GLIS3: variants seen among roughly 807,000 people sequenced by gnomAD.
The protein encoded by GLIS3 is GLIS family zinc finger 3.
GLIS3 carries 53 observed loss-of-function variants against 78.6 expected under a neutral mutation model. The observed-to-expected ratio is 0.67, with a 90% CI of 0.54 to 0.85. The LOEUF is 0.85. GLIS3 is among the 40% of genes least tolerant of loss of function. The pLI is 0.00. For synonymous variants in GLIS3, 684 were observed against 509.9 expected (o/e 1.34, Z -4.60); for missense variants, 1,703 against 1,231.1 (o/e 1.38, Z -5.74).
At chr9:4,382,980 G>C in the GLIS3 span, among the ~76,000 whole-genome samples, 20 of 152,186 alleles carry the variant, frequency 1.3e-4, no homozygotes, top group African/African-American at 4.6e-4. Flanking sequence ...TTCTGTGCTT[G>C]AATCCATCTT....
intron 6 of GLIS3, among the ~76,000 whole-genome samples, chr9:3,919,056 G>A (rs1378340547): frequency 6.6e-6 from 1 of 152,198 alleles, no homozygotes; most frequent in Non-Finnish European, 1.5e-5. Flanking sequence ...GTGGGTCTCA[G>A]TGTAGGATCA....
intron 9 of GLIS3, among the ~76,000 whole-genome samples, chr9:3,850,377 A>G (rs1819353416): frequency 6.6e-6 from 1 of 152,232 alleles, no homozygotes. Context: ...TCCTGTCTGG[A>G]CAGCAGCTAG....
intron 4 of GLIS3, among the ~76,000 whole-genome samples, chr9:3,969,542 G>C (rs933475405): frequency 4.6e-5 from 7 of 152,220 alleles, no homozygotes; most frequent in Admixed American, 1.3e-4. Flanking sequence ...CATGAAAGCA[G>C]AGATCTCAGG....
upstream of GLIS3, among the ~76,000 whole-genome samples, chr9:4,305,034 T>G (rs1817193853): frequency 1.3e-5 from 2 of 151,960 alleles, no homozygotes; most frequent in African/African-American, 4.8e-5. Context: ...ATGATCTACA[T>G]TTTTTTTCAC....
In GLIS3 at chr9:3,993,430, T is replaced by A. The variant is rs139078507; in HGVS notation, c.1711-56241A>T. Among the ~76,000 whole-genome samples the A allele has an allele frequency of 5.9e-5, 9 of 152,306 alleles. No homozygotes were observed. The East Asian group carries it at 1.7e-3, about 29-fold the overall frequency. ...TTAATAAAATACTATTAGTACCAAG[T>A]CAAATATGATAAACTTTTTATCATA... On this transcript the variant is annotated intron_variant, in intron 4 of 10. Coordinates refer to ENST00000381971, the MANE Select transcript of GLIS3 (RefSeq NM_001042413.2).
chr9:4,104,184 T>G (rs752109549), intron 4 of GLIS3, among the ~76,000 whole-genome samples: 1 of 152,122 alleles, frequency 6.6e-6, no homozygotes, highest in Admixed American at 6.6e-5. Context: ...ATTCACTATT[T>G]GAATGTCTAA....
intron 4 of GLIS3, among the ~76,000 whole-genome samples, chr9:3,957,224 G>A (rs988408908): frequency 1.1e-4 from 16 of 152,180 alleles, no homozygotes; most frequent in African/African-American, 3.6e-4. Context: ...GCCCTTTCCC[G>A]AGAGTGTTTT....
the GLIS3 span, among the ~76,000 whole-genome samples, chr9:4,366,690 G>C: frequency 6.6e-6 from 1 of 152,244 alleles, no homozygotes; most frequent in South Asian, 2.1e-4. Flanking sequence ...TTTTCAGACT[G>C]TCTTTGTTCT....
chr9:4,490,344 C>G, the GLIS3 span: 1 of 181,336 alleles, frequency 5.5e-6, no homozygotes, highest in Non-Finnish European at 1.1e-5. Flanking sequence ...CCTAGGGACC[C>G]CGGGCGTCCC....
intron 4 of GLIS3, among the ~76,000 whole-genome samples, chr9:4,103,614 TCATGGTAGA>T (rs1830539818): frequency 6.6e-6 from 1 of 152,198 alleles, no homozygotes; most frequent in South Asian, 2.1e-4. Flanking sequence ...CATGTCACCC[TCATGGTAGA>T]ACTAACACAA....
At chr9:4,378,442 C>T in the GLIS3 span, among the ~76,000 whole-genome samples, 1 of 151,988 alleles carries the variant, frequency 6.6e-6, no homozygotes, top group Non-Finnish European at 1.5e-5. Flanking sequence ...TTCTTTCACC[C>T]TCTCAGTCCA....
intron 2 of GLIS3, among the ~76,000 whole-genome samples, chr9:4,176,000 G>C (rs1816784325): frequency 6.6e-6 from 1 of 152,102 alleles, no homozygotes; most frequent in African/African-American, 2.4e-5. Context: ...TTATGTTGAT[G>C]AGTCCTGATT....
Position 4,054,307 on chromosome 9 carries a change from A to G in GLIS3, c.1710+63461T>C, listed in dbSNP as rs531821240. The G allele has an allele frequency of 1.2e-5, 12 of 982,196 alleles. No individual in the cohort carries two copies. The South Asian group carries it at 3.8e-4, about 31-fold the overall frequency. The allele number at this position is 982,196 out of a possible 1,614,324, so 60.8% of individuals were successfully genotyped here. A position where few individuals can be genotyped will look rare whatever the true frequency, so the allele number is the denominator to read the frequency against. On this transcript the variant is annotated intron_variant, in intron 4 of 10. Transcript: ENST00000381971. ...CCAGAGCCTGCAAACAACGTACTCTACAGATGTTTCCACAACTCCACAAGA... is the reference window on the plus strand; with the variant it reads ...CCAGAGCCTGCAAACAACGTACTCTGCAGATGTTTCCACAACTCCACAAGA...
chr9:4,190,478 G>C lies in GLIS3; in HGVS notation c.389-64537C>G, dbSNP rs954335989. Among the ~76,000 whole-genome samples, 10 of 135,426 alleles carry C rather than the reference G, an allele frequency of 7.4e-5. 1 individual carries two copies. Among genetic ancestry groups the C allele is most frequent in the African/African-American group, 1.7e-4 (7 of 40,512 alleles). 88.8% of individuals were successfully genotyped at this position (135,426 alleles called of 152,430 possible). On this transcript the variant is annotated intron_variant, in intron 2 of 10. Coordinates refer to ENST00000381971, the MANE Select transcript of GLIS3 (RefSeq NM_001042413.2). ...GAAATGAAGCGAGAAGGGAAGTTTA[G>C]AGAAAAAAGAATAAAAACAAACGAA...
intron 4 of GLIS3, among the ~76,000 whole-genome samples, chr9:4,083,983 G>C (rs1329170980): frequency 6.6e-6 from 1 of 152,186 alleles, no homozygotes; most frequent in Admixed American, 6.5e-5. Context: ...CACTATTGCA[G>C]ATGACTTCCT....
chr9:3,986,687 C>T (rs1819764722), intron 4 of GLIS3, among the ~76,000 whole-genome samples: 1 of 152,214 alleles, frequency 6.6e-6, no homozygotes, highest in Admixed American at 6.5e-5. Context: ...AGCCCTTTTG[C>T]CCCCTCGGGC....
chr9:4,233,199 C>G (rs1400147708), intron 2 of GLIS3, among the ~76,000 whole-genome samples: 1 of 152,196 alleles, frequency 6.6e-6, no homozygotes, highest in East Asian at 1.9e-4. Context: ...CCCTGATGCT[C>G]TTGGTTAGCT....
At chr9:4,233,957 T>G (rs1228411027) in intron 2 of GLIS3, among the ~76,000 whole-genome samples, 1 of 152,220 alleles carries the variant, frequency 6.6e-6, no homozygotes, top group Non-Finnish European at 1.5e-5. Context: ...TTAAACTTCA[T>G]AAACCAACTT....
chr9:3,847,101 T>C (rs1482400534), intron 9 of GLIS3, among the ~76,000 whole-genome samples: 1 of 152,132 alleles, frequency 6.6e-6, no homozygotes, highest in Non-Finnish European at 1.5e-5. Context: ...GGAGAATCAC[T>C]TGAGCCCGGG....
Sources: allele counts gnomAD v4.1 joint callset (sites outside exome capture counted in the v4.1 genomes callset), GRCh38; gene constraint gnomAD v4.1.1; transcripts MANE v1.5; gene names NCBI Gene and HGNC (gene_info 2026-07-23, HGNC 2026-07-21).